Variants in SPATA16 observed in about 807,000 individuals in gnomAD.
The protein encoded by SPATA16 is spermatogenesis-associated protein 16.
Under a neutral mutation model 63.3 loss-of-function variants are expected in SPATA16, and 36 were observed. The ratio of observed to expected loss-of-function variants is 0.57; its 90% CI spans 0.44 to 0.75. The LOEUF (loss-of-function observed/expected upper bound fraction) is 0.75. Among genes scored for constraint, SPATA16 ranks in the 30% least tolerant of loss-of-function variants. The pLI is 0.00. For missense variants in SPATA16, 646 were observed against 679.3 expected (o/e 0.95, Z 0.54); for synonymous variants, 203 against 216.7 (o/e 0.94, Z 0.56).
At position 172,895,583 on chromosome 3, in the gene SPATA16, G is replaced by C. The variant is rs542729814; in HGVS notation, c.1588-5891C>G. Among the ~76,000 whole-genome samples the C allele has an allele frequency of 1.1e-3, 163 of 152,134 alleles. 2 individuals are homozygous for C. Among genetic ancestry groups the C allele is most frequent in the African/African-American group, 3.7e-3 (154 of 41,486 alleles). ...ACTCCTGGCCTCAAGTTTTCTGCTT[G>C]CGTCAGCCTCCCAAAGTGCTGGGAT... On this transcript the variant is annotated intron_variant, in intron 10 of 10. Coordinates refer to ENST00000351008, the MANE Select transcript of SPATA16 (RefSeq NM_031955.6).
chr3:172,978,279 C>T (rs916671318), intron 4 of SPATA16, among the ~76,000 whole-genome samples: 1 of 151,938 alleles, frequency 6.6e-6, no homozygotes, highest in Non-Finnish European at 1.5e-5. Flanking sequence ...TTTCAAAGCT[C>T]TTAATGATAA....
At chr3:172,993,703 C>T (rs570198908) in intron 4 of SPATA16, among the ~76,000 whole-genome samples, 1 of 152,230 alleles carries the variant, frequency 6.6e-6, no homozygotes, top group African/African-American at 2.4e-5. Flanking sequence ...CACATAGCAG[C>T]AGATGATACA....
At chr3:173,123,165 A>C (rs1177907553) in intron 1 of SPATA16, among the ~76,000 whole-genome samples, 1 of 152,234 alleles carries the variant, frequency 6.6e-6, no homozygotes, top group Non-Finnish European at 1.5e-5. Flanking sequence ...TAAACCATCC[A>C]GTGTTATATA....
At chr3:173,114,843 G>A (rs1189841013) in intron 2 of SPATA16, among the ~76,000 whole-genome samples, 2 of 152,098 alleles carry the variant, frequency 1.3e-5, no homozygotes, top group African/African-American at 4.8e-5. Context: ...AGTTAAATTC[G>A]GGAAAAGAAA....
At chr3:172,932,778 T>C (rs1475659162) in intron 6 of SPATA16, among the ~76,000 whole-genome samples, 2 of 152,186 alleles carry the variant, frequency 1.3e-5, no homozygotes, top group Non-Finnish European at 2.9e-5. Flanking sequence ...ACTATATAGA[T>C]AATAAATTGT....
At chr3:172,954,873 A>G (rs1291003889) in intron 6 of SPATA16, among the ~76,000 whole-genome samples, 1 of 152,146 alleles carries the variant, frequency 6.6e-6, no homozygotes, top group Non-Finnish European at 1.5e-5. Flanking sequence ...TCCCAACGAA[A>G]TTTAAATTCT....
At chr3:173,070,691 A>T (rs1384009070) in intron 2 of SPATA16, among the ~76,000 whole-genome samples, 2 of 152,224 alleles carry the variant, frequency 1.3e-5, no homozygotes, top group African/African-American at 4.8e-5. Flanking sequence ...CTGAAAAAGA[A>T]ACCAAGAAAG....
intron 3 of SPATA16, among the ~76,000 whole-genome samples, chr3:173,022,332 G>C (rs1735353128): frequency 6.6e-6 from 1 of 152,064 alleles, no homozygotes; most frequent in African/African-American, 2.4e-5. Flanking sequence ...ATGATTCCCG[G>C]CTTCATAAGA....
At chr3:173,138,100 T>TG (rs902124102) in intron 1 of SPATA16, among the ~76,000 whole-genome samples, 23 of 151,972 alleles carry the variant, frequency 1.5e-4, no homozygotes, top group East Asian at 3.9e-4. Flanking sequence ...TTTTTCTTGG[T>TG]GGGGGGGTGA....
chr3:172,970,054 C>A (rs1364021865), intron 5 of SPATA16, among the ~76,000 whole-genome samples: 3 of 152,118 alleles, frequency 2.0e-5, no homozygotes, highest in African/African-American at 7.2e-5. Flanking sequence ...ATTTGGTAAG[C>A]CGCTGAGTTT....
Position 173,123,043 on chromosome 3 carries a change from C to T in SPATA16, c.-18-5294G>A, listed in dbSNP as rs28502323. 3.4e-3 allele frequency among the ~76,000 whole-genome samples: 517 copies of T among 152,218 alleles called. 6 individuals are homozygous for T. The highest frequency in any genetic ancestry group is 0.012 in the African/African-American group (499 of 41,526). On this transcript the variant is annotated intron_variant, in intron 1 of 10. Transcript: ENST00000351008. Reference sequence around the variant, plus strand: ...GATTTTGAGAAGAGGGACAAGTGTCCCTGTGCAAGCAGTTGCTCTTCTCTT... The same window carrying T: ...GATTTTGAGAAGAGGGACAAGTGTCTCTGTGCAAGCAGTTGCTCTTCTCTT...
At chr3:173,084,377 C>G (rs1316779977) in intron 2 of SPATA16, among the ~76,000 whole-genome samples, 2 of 151,822 alleles carry the variant, frequency 1.3e-5, no homozygotes, top group African/African-American at 4.8e-5. Flanking sequence ...TTGTTTTTTT[C>G]TTGTAAATTT....
chr3:173,113,919 C>A (rs879311272), intron 2 of SPATA16, among the ~76,000 whole-genome samples: 3 of 152,178 alleles, frequency 2.0e-5, no homozygotes, highest in Non-Finnish European at 2.9e-5. Flanking sequence ...GTGGCTCATG[C>A]CTGTAATCCC....
chr3:173,044,326 G>A (rs866862813), intron 3 of SPATA16, among the ~76,000 whole-genome samples: 3 of 151,928 alleles, frequency 2.0e-5, no homozygotes, highest in East Asian at 1.9e-4. Context: ...AATTTCTATC[G>A]ATTTGTCTTC....
chr3:172,932,609 CA>C (rs1375576566), intron 6 of SPATA16, among the ~76,000 whole-genome samples: 1 of 151,924 alleles, frequency 6.6e-6, no homozygotes, highest in Non-Finnish European at 1.5e-5. Context: ...GGAAGTTATC[CA>C]CAAATTCACA....
intron 3 of SPATA16, among the ~76,000 whole-genome samples, chr3:173,021,127 ATCTG>A (rs1196830416): frequency 6.6e-6 from 1 of 152,200 alleles, no homozygotes; most frequent in Non-Finnish European, 1.5e-5. Context: ...GTAGAAAAAA[ATCTG>A]TCTGGCCTGT....
intron 6 of SPATA16, among the ~76,000 whole-genome samples, chr3:172,930,553 CTTTTT>C (rs34780432): frequency 1.5e-4 from 13 of 87,392 alleles, no homozygotes; most frequent in East Asian, 7.1e-4. Context: ...CATTCAAACT[CTTTTT>C]TTTTTTTTTT....
chr3:172,962,236 AG>A (rs1288891807), intron 5 of SPATA16, among the ~76,000 whole-genome samples: 9 of 137,408 alleles, frequency 6.5e-5, no homozygotes, highest in Non-Finnish European at 1.4e-4. Context: ...CCTGGGCAAC[AG>A]AGCAAGACTC....
chr3:173,137,551 C>T (rs1738579592), intron 1 of SPATA16, among the ~76,000 whole-genome samples: 1 of 152,138 alleles, frequency 6.6e-6, no homozygotes, highest in Non-Finnish European at 1.5e-5. Context: ...AACACTAAAA[C>T]TTCCTCCTTT....
Sources: gnomAD v4.1 joint callset for allele counts (sites outside exome capture counted in the v4.1 genomes callset) on GRCh38, gnomAD v4.1.1 for gene constraint, MANE v1.5 for transcripts, NCBI Gene and HGNC (gene_info 2026-07-23, HGNC 2026-07-21) for gene names.